Variants in DMBX1 observed in about 807,000 individuals in gnomAD.
DMBX1 encodes diencephalon/mesencephalon homeobox protein 1.
A neutral mutation model predicts 30.4 loss-of-function variants in DMBX1; 7 were observed. That is an observed-to-expected ratio of 0.23 (90% CI 0.13 to 0.43). DMBX1 has a LOEUF of 0.43. Ranked by LOEUF, DMBX1 falls within the 20% of genes least tolerant of loss-of-function variation. DMBX1 has a pLI of 1.00. For missense variants in DMBX1, 460 were observed against 508.5 expected (o/e 0.90, Z 0.92); for synonymous variants, 222 against 214.2 (o/e 1.04, Z -0.32).
chr1:46,503,038 T>C (rs1265548101), intron 2 of DMBX1, among the ~76,000 whole-genome samples: 2 of 152,262 alleles, frequency 1.3e-5, no homozygotes, highest in African/African-American at 4.8e-5. Context: ...CGTGGAGCCC[T>C]CTGGCTAGCG....
rs7515750 is a variant in DMBX1 at position 46,513,671 on chromosome 1, T to C, written c.*1177T>C. On this transcript the variant is annotated 3_prime_UTR_variant, in exon 6 of 6. Coordinates refer to ENST00000360032, the MANE Select transcript of DMBX1 (RefSeq NM_172225.2). ...CTCAGAGACAGCAGGGCTGGTGCTC[T>C]TCTCCCACAAGCTGAGCCTCCACGT... 14,582 of 152,296 alleles carry C rather than the reference T, an allele frequency of 0.096. 1,667 individuals are homozygous for C. Among genetic ancestry groups the C allele is most frequent in the African/African-American group, 0.28 (11,459 of 41,494 alleles). 9.4% of individuals were successfully genotyped at this position (152,296 alleles called of 1,614,324 possible).
chr1:46,490,140 T>A (rs1665902386), intron 1 of DMBX1, among the ~76,000 whole-genome samples: 1 of 151,846 alleles, frequency 6.6e-6, no homozygotes, highest in South Asian at 2.1e-4. Flanking sequence ...GAGGAAGAGA[T>A]ACCCGGGGCT....
chr1:46,510,198 C>T lies in DMBX1; in HGVS notation c.155-278C>T, dbSNP rs1214263780. On this transcript the variant is annotated intron_variant, in intron 3 of 5. Coordinates refer to ENST00000360032, the MANE Select transcript of DMBX1 (RefSeq NM_172225.2). The surrounding 1 kb of genome is among the most constrained non-coding windows in gnomAD (Gnocchi z 4.1). ...ATACCCACCTACCCAATCCCAATGC[C>T]AAATAATGAAGACCCCCCTCAATCA... is the stretch of plus-strand genomic sequence containing the variant. Among the ~76,000 whole-genome samples, 3 of 152,178 alleles carry T rather than the reference C, an allele frequency of 2.0e-5. No individual in the cohort carries two copies. In the East Asian group the frequency reaches 5.8e-4, roughly 29 times the overall value.
Position 46,510,377 on chromosome 1 carries a change from G to T in DMBX1, c.155-99G>T. ...CCAGGGCCAGCTCTGGCAGCAGCCT[G>T]GGTGTCCACAGTGGGTCAGAGCAGG... On this transcript the variant is annotated intron_variant, in intron 3 of 5. Coordinates refer to ENST00000360032, the MANE Select transcript of DMBX1 (RefSeq NM_172225.2). This position sits in a 1 kb window ranked among gnomAD's most constrained non-coding sequence, Gnocchi z 4.1. 1 of 1,424,348 alleles carries T rather than the reference G, an allele frequency of 7.0e-7. No individual in the cohort carries two copies. Among genetic ancestry groups the T allele is most frequent in the South Asian group, 1.4e-5 (1 of 72,518 alleles). 88.2% of individuals were successfully genotyped at this position (1,424,348 alleles called of 1,614,324 possible). A position where few individuals can be genotyped will look rare whatever the true frequency, so the allele number is the denominator to read the frequency against.
At chr1:46,497,735 C>T (rs566140960) in intron 2 of DMBX1, among the ~76,000 whole-genome samples, 3 of 152,350 alleles carry the variant, frequency 2.0e-5, no homozygotes, top group East Asian at 1.9e-4. Context: ...CAGCCAGCAG[C>T]GATGCGGGGA....
Position 46,512,165 on chromosome 1 carries a change from A to C in DMBX1, c.805A>C (p.Met269Leu), listed in dbSNP as rs766319840. 13 of 1,613,898 alleles carry C rather than the reference A, an allele frequency of 8.1e-6. No homozygotes were observed. The highest frequency in any genetic ancestry group is 1.0e-5 in the Non-Finnish European group (12 of 1,179,972). Reference sequence around the variant, plus strand: ...TCTGCAGGAGCAATTCCGCCAGCACATGGCGGCCACCAACAACCTGGTGCA... The same window carrying C: ...TCTGCAGGAGCAATTCCGCCAGCACCTGGCGGCCACCAACAACCTGGTGCA... ...FRLQEQFRQH[M>L]AATNNLVHYS... is the part of the protein sequence containing the mutation. Residue 269 changes from methionine (M) to leucine (L), a missense_variant, in exon 6 of 6, where the codon ATG becomes CTG. Around this residue, in one of 3 missense-constraint regions of DMBX1, gnomAD observed 334 missense variants for 345.1 expected, o/e 0.97. Coordinates refer to ENST00000360032, the MANE Select transcript of DMBX1 (RefSeq NM_172225.2). The surrounding 1 kb of genome is among the most constrained non-coding windows in gnomAD (Gnocchi z 4.8).
intron 2 of DMBX1, among the ~76,000 whole-genome samples, chr1:46,501,156 C>G (rs1321015880): frequency 6.6e-6 from 1 of 151,176 alleles, no homozygotes; most frequent in Non-Finnish European, 1.5e-5. Flanking sequence ...CCCCTTCCCT[C>G]TCTCTCTCTG....
intron 2 of DMBX1, among the ~76,000 whole-genome samples, chr1:46,501,192 C>CCCTCCCTTCCTTCCTTCCTT (rs780907602): frequency 0.024 from 1,626 of 67,184 alleles, 144 homozygotes; most frequent in Middle Eastern, 0.043. Flanking sequence ...TTCTTTCTCT[C>CCCTCCCTTCCTTCCTTCCTT]CCTTCCTTCC....
rs1199506986 is a variant in DMBX1 at position 46,491,541 on chromosome 1, T to A, written c.-13+758T>A. ...GATGGACCTTGGAGGAAAGGGGCTG[T>A]CTGTACCGCAAGGGTTGTGTGCTCC... is the stretch of plus-strand genomic sequence containing the variant. On this transcript the variant is annotated intron_variant, in intron 2 of 5. Coordinates refer to ENST00000360032, the MANE Select transcript of DMBX1 (RefSeq NM_172225.2). This position sits in a 1 kb window ranked among gnomAD's most constrained non-coding sequence, Gnocchi z 5.5. 6.6e-6 allele frequency among the ~76,000 whole-genome samples: 1 copy of A among 152,176 alleles called. No homozygotes were observed. The highest frequency in any genetic ancestry group is 2.4e-5 in the African/African-American group (1 of 41,434).
At chr1:46,498,887 G>A (rs1666072696) in intron 2 of DMBX1, among the ~76,000 whole-genome samples, 1 of 152,192 alleles carries the variant, frequency 6.6e-6, no homozygotes, top group Non-Finnish European at 1.5e-5. Flanking sequence ...GGGCCTTGAT[G>A]TCCAGCTGTA....
At position 46,512,003 on chromosome 1, in the gene DMBX1, C is replaced by G; in HGVS notation, c.683-40C>G. On this transcript the variant is annotated intron_variant, in intron 5 of 5. Coordinates refer to ENST00000360032, the MANE Select transcript of DMBX1 (RefSeq NM_172225.2). The surrounding 1 kb of genome is among the most constrained non-coding windows in gnomAD (Gnocchi z 4.8). ...GCACCTCTCCTGGCAGACCAATGCC[C>G]TTGTCCTGAGGGCTTTGTTCTTGGG... 3 of 1,579,604 alleles carry G rather than the reference C, an allele frequency of 1.9e-6. No individual in the cohort carries two copies. The highest frequency in any genetic ancestry group is 2.6e-6 in the Non-Finnish European group (3 of 1,165,226).
At chr1:46,495,413 G>A (rs1452933477) in intron 2 of DMBX1, among the ~76,000 whole-genome samples, 2 of 152,152 alleles carry the variant, frequency 1.3e-5, no homozygotes, top group African/African-American at 4.8e-5. Flanking sequence ...TTCCATCCCG[G>A]CTAAGCTGCT....
Position 46,514,576 on chromosome 1 carries a change from C to G in DMBX1, c.*2082C>G, listed in dbSNP as rs1167389552. On this transcript the variant is annotated 3_prime_UTR_variant, in exon 6 of 6. Transcript: ENST00000360032. ...CCAGCCTCTGGAGTCACTCCATTTT[C>G]ATACCTTTTCATGATCTCAGGGGCT... Among the ~76,000 whole-genome samples the G allele has an allele frequency of 6.6e-6, 1 of 152,114 alleles. No homozygotes were observed. The highest frequency in any genetic ancestry group is 1.5e-5 in the Non-Finnish European group (1 of 68,028).
intron 3 of DMBX1, among the ~76,000 whole-genome samples, chr1:46,509,579 C>T (rs1310255910): frequency 6.6e-6 from 1 of 152,172 alleles, no homozygotes; most frequent in Non-Finnish European, 1.5e-5. Flanking sequence ...GGCTATACCC[C>T]AGGATGGAGG....
At chr1:46,505,845 T>G (rs1286679326) in intron 2 of DMBX1, among the ~76,000 whole-genome samples, 1 of 151,768 alleles carries the variant, frequency 6.6e-6, no homozygotes, top group East Asian at 1.9e-4. Context: ...GGCCCTGGAC[T>G]GGCTGTGTGG....
chr1:46,507,631 C>CA (rs1666266826), intron 3 of DMBX1, among the ~76,000 whole-genome samples: 2 of 152,178 alleles, frequency 1.3e-5, no homozygotes, highest in South Asian at 4.1e-4. Context: ...CTGTGTGCCT[C>CA]AAATCATCCA....
Position 46,501,218 on chromosome 1 carries a change from CTTTCTTTCTTTCTTTCTTTCTTTCTTT to C in DMBX1, c.-12-5780_-12-5754del, listed in dbSNP as rs1557786032. ...CCTTCCTTCCTTCCTTCCTTCCTTT[CTTTCTTTCTTTCTTTCTTTCTTTCTTT>C]CTTTCTTTCTTTCTTTCTTTCTTTC... On this transcript the variant is annotated intron_variant, in intron 2 of 5. Coordinates refer to ENST00000360032, the MANE Select transcript of DMBX1 (RefSeq NM_172225.2). Among the ~76,000 whole-genome samples, 218 of 85,910 alleles carry C rather than the reference CTTTCTTTCTTTCTTTCTTTCTTTCTTT, an allele frequency of 2.5e-3. 3 individuals are homozygous for C. The highest frequency in any genetic ancestry group is 2.4e-4 in the African/African-American group (5 of 21,016). The allele number at this position is 85,910 out of a possible 152,430, so 56.4% of individuals were successfully genotyped here. A position where few individuals can be genotyped will look rare whatever the true frequency, so the allele number is the denominator to read the frequency against.
intron 2 of DMBX1, among the ~76,000 whole-genome samples, chr1:46,500,177 G>C (rs1220336342): frequency 1.3e-5 from 2 of 152,094 alleles, no homozygotes; most frequent in Non-Finnish European, 2.9e-5. Context: ...GTGCTGGGGA[G>C]GGGGAGGGCA....
In DMBX1 at chr1:46,514,522, C is replaced by A. The variant is rs1666453125; in HGVS notation, c.*2028C>A. ...CATAATGGGTCCCTTCTAGTTCAGGCAATCTGGATTTGATCTTGAGTTCCA... is the reference window on the plus strand; with the variant it reads ...CATAATGGGTCCCTTCTAGTTCAGGAAATCTGGATTTGATCTTGAGTTCCA... On this transcript the variant is annotated 3_prime_UTR_variant, in exon 6 of 6. Coordinates refer to ENST00000360032, the MANE Select transcript of DMBX1 (RefSeq NM_172225.2). Among the ~76,000 whole-genome samples the A allele has an allele frequency of 2.6e-5, 4 of 152,176 alleles. No homozygotes were observed. The South Asian group carries it at 8.3e-4, about 32-fold the overall frequency.
Sources: allele counts gnomAD v4.1 joint callset (sites outside exome capture counted in the v4.1 genomes callset), GRCh38; gene constraint gnomAD v4.1.1; regional missense constraint gnomAD v4.1.1; non-coding constraint Gnocchi (gnomAD v3.1); transcripts MANE v1.5; gene names NCBI Gene and HGNC (gene_info 2026-07-23, HGNC 2026-07-21).